Variants in MS4A18 observed in about 807,000 individuals in gnomAD.
The protein encoded by MS4A18 is membrane spanning 4-domains A18.
A neutral mutation model predicts 13.1 loss-of-function variants in MS4A18; 27 were observed. The ratio of observed to expected loss-of-function variants is 2.06; its 90% CI spans 1.52 to 2.84. The LOEUF (loss-of-function observed/expected upper bound fraction) is 2.84. MS4A18 is among the 30% of genes most tolerant of loss of function. The pLI is 0.00. For missense variants in MS4A18, 307 were observed against 196.4 expected, an observed-to-expected ratio of 1.56 and a Z score of -3.37; for synonymous variants, 126 against 76.5, an observed-to-expected ratio of 1.65 and a Z score of -3.38.
chr11:60,743,788 C>T (rs1211924269), exon 6 of MS4A18: 1 of 702,126 alleles, frequency 1.4e-6, no homozygotes, highest in African/African-American at 1.8e-5. Flanking sequence ...TACTACCATT[C>T]ACCCTGTCAA....
At chr11:60,738,549 C>T (rs913875361) in intron 3 of MS4A18, among the ~76,000 whole-genome samples, 4 of 152,048 alleles carry the variant, frequency 2.6e-5, no homozygotes, top group African/African-American at 9.7e-5. Flanking sequence ...CATTGATTAA[C>T]GAATGATTTT....
In MS4A18 at chr11:60,733,599, TC is replaced by T. The variant is rs1168024429; in HGVS notation, c.545del (p.Pro182LeufsTer3). 1 of 703,598 alleles carries T rather than the reference TC, an allele frequency of 1.4e-6. No homozygotes were observed. Among genetic ancestry groups the T allele is most frequent in the Non-Finnish European group, 2.6e-6 (1 of 385,134 alleles). The allele number at this position is 703,598 out of a possible 1,614,324, so 43.6% of individuals were successfully genotyped here. On this transcript the variant is annotated frameshift_variant, in exon 2 of 6. Coordinates refer to ENST00000529108, the Ensembl canonical transcript of MS4A18. LOFTEE classifies it high-confidence loss of function. The stretch of plus-strand genomic sequence containing the variant: ...CAATTAACCCTGTGCTGTATTACTA[TC>T]CTTTTGTGACCTGGTTGTCAGGGTA...
In MS4A18 at chr11:60,741,149, C is replaced by A. The variant is rs1295277513; in HGVS notation, c.858+6C>A. 1.4e-6 allele frequency: 1 copy of A among 703,008 alleles called. No homozygotes were observed. Among genetic ancestry groups the A allele is most frequent in the African/African-American group, 1.7e-5 (1 of 57,370 alleles). 43.5% of individuals were successfully genotyped at this position (703,008 alleles called of 1,614,324 possible). A position where few individuals can be genotyped will look rare whatever the true frequency, so the allele number is the denominator to read the frequency against. On this transcript the variant is annotated splice_donor_region_variant and intron_variant, in intron 5 of 5. Coordinates refer to ENST00000529108, the Ensembl canonical transcript of MS4A18. Reference sequence around the variant, plus strand: ...CCTGCTGCAGACAATTTGAGGTAAGCATTGGACTCTGTTCCAGGAATCAGA... The same window carrying A: ...CCTGCTGCAGACAATTTGAGGTAAGAATTGGACTCTGTTCCAGGAATCAGA...
chr11:60,742,411 G>T (rs1273792673), intron 5 of MS4A18, among the ~76,000 whole-genome samples: 1 of 152,046 alleles, frequency 6.6e-6, no homozygotes, highest in Non-Finnish European at 1.5e-5. Flanking sequence ...AAACTCCAAG[G>T]GTGTTTTATG....
chr11:60,734,907 G>A (rs188448450), intron 2 of MS4A18, among the ~76,000 whole-genome samples: 93 of 151,738 alleles, frequency 6.1e-4, no homozygotes, highest in African/African-American at 2.1e-3. Flanking sequence ...TCGGCCTCCC[G>A]AGTAGCTGGG....
chr11:60,727,361 C>T (rs58121508), upstream of MS4A18, among the ~76,000 whole-genome samples: 2,143 of 152,248 alleles, frequency 0.014, 47 homozygotes, highest in African/African-American at 0.048. Flanking sequence ...AAACTGACAG[C>T]GTATGCAACT....
rs1167113182 is a variant in MS4A18, at chr11:60,735,661, C to CTTTTTTTTTTTTTTTTTTT, written c.592-1313_592-1295dup. 5.5e-5 allele frequency among the ~76,000 whole-genome samples: 5 copies of CTTTTTTTTTTTTTTTTTTT among 90,110 alleles called. 1 individual carries two copies. The highest frequency in any genetic ancestry group is 2.5e-4 in the African/African-American group (5 of 19,840). The allele number at this position is 90,110 out of a possible 152,430, so 59.1% of individuals were successfully genotyped here. A position where few individuals can be genotyped will look rare whatever the true frequency, so the allele number is the denominator to read the frequency against. ...CGATTTAATGTTTTTCATTCCCTTG[C>CTTTTTTTTTTTTTTTTTTT]TTTTTTTTTTTTTTTTTTTTTTGAG... On this transcript the variant is annotated intron_variant, in intron 2 of 5. Transcript: ENST00000529108.
At chr11:60,738,202 G>A (rs531694396) in intron 3 of MS4A18, among the ~76,000 whole-genome samples, 1 of 152,266 alleles carries the variant, frequency 6.6e-6, no homozygotes, top group Admixed American at 6.5e-5. Context: ...CTCTTAAAGG[G>A]AAGCAGCTTG....
At chr11:60,737,930 C>T (rs1362756201) in intron 3 of MS4A18, among the ~76,000 whole-genome samples, 1 of 152,188 alleles carries the variant, frequency 6.6e-6, no homozygotes, top group African/African-American at 2.4e-5. Flanking sequence ...CCAGACACCC[C>T]AGCATCAACC....
intron 1 of MS4A18, among the ~76,000 whole-genome samples, chr11:60,732,065 A>G (rs959821214): frequency 6.6e-6 from 1 of 152,138 alleles, no homozygotes; most frequent in African/African-American, 2.4e-5. Context: ...AGGAAGACAG[A>G]AAGCAGCTGC....
chr11:60,732,730 CA>C (rs200295786), intron 1 of MS4A18, among the ~76,000 whole-genome samples: 803 of 70,996 alleles, frequency 0.011, 4 homozygotes, highest in African/African-American at 0.022. Flanking sequence ...GACTCCGTCT[CA>C]AAAAAAAAAA....
chr11:60,742,071 G>A (rs1853420667), intron 5 of MS4A18, among the ~76,000 whole-genome samples: 1 of 152,226 alleles, frequency 6.6e-6, no homozygotes, highest in Admixed American at 6.5e-5. Flanking sequence ...GGCACATATT[G>A]TCCTACCCTG....
intron 1 of MS4A18, among the ~76,000 whole-genome samples, chr11:60,732,158 G>T (rs1455232659): frequency 5.9e-5 from 9 of 152,034 alleles, no homozygotes; most frequent in Non-Finnish European, 5.9e-5. Flanking sequence ...AAATGAGAGG[G>T]GATTCATCCT....
intron 2 of MS4A18, among the ~76,000 whole-genome samples, chr11:60,734,146 C>T (rs1187327573): frequency 1.3e-5 from 2 of 152,092 alleles, no homozygotes; most frequent in Non-Finnish European, 2.9e-5. Flanking sequence ...GTCCCAGCTA[C>T]TTGGGATGCT....
At chr11:60,732,427 T>A (rs1590962360) in intron 1 of MS4A18, among the ~76,000 whole-genome samples, 1 of 151,926 alleles carries the variant, frequency 6.6e-6, no homozygotes, top group Admixed American at 6.6e-5. Context: ...GCAGAGGGCA[T>A]TGAAATACTT....
At chr11:60,729,244 A>G (rs1402110054), upstream of MS4A18, 3 of 653,048 alleles carry the variant, frequency 4.6e-6, no homozygotes, top group Non-Finnish European at 5.6e-6. Flanking sequence ...TAAGAATGAG[A>G]TAAGATGCAT....
rs1035059857 is a variant in MS4A18, at chr11:60,736,881, A to G, written c.592-97A>G. On this transcript the variant is annotated intron_variant, in intron 2 of 5. Transcript: ENST00000529108. ...CATTTTGTGAAACAAGGTGCATAGA[A>G]CATAAAGATTGAGAAATGCGTCTCT... 166 of 666,392 alleles carry G rather than the reference A, an allele frequency of 2.5e-4. 1 individual carries two copies. The highest frequency in any genetic ancestry group is 7.8e-4 in the Middle Eastern group (3 of 3,830). 41.3% of individuals were successfully genotyped at this position (666,392 alleles called of 1,614,324 possible). A position where few individuals can be genotyped will look rare whatever the true frequency, so the allele number is the denominator to read the frequency against.
At chr11:60,733,564 A>T in exon 2 of MS4A18, 1 of 703,204 alleles carries the variant, frequency 1.4e-6, no homozygotes, top group Non-Finnish European at 2.6e-6. Flanking sequence ...CCTGACGCAC[A>T]TTTTCTCTGC....
intron 3 of MS4A18, among the ~76,000 whole-genome samples, chr11:60,737,388 T>C (rs1853358000): frequency 6.6e-6 from 1 of 152,248 alleles, no homozygotes; most frequent in Non-Finnish European, 1.5e-5. Context: ...CATGAGTATT[T>C]ACACGCAGTG....
Sources: gnomAD v4.1 joint callset for allele counts (sites outside exome capture counted in the v4.1 genomes callset) on GRCh38, gnomAD v4.1.1 for gene constraint, MANE v1.5 for transcripts, NCBI Gene and HGNC (gene_info 2026-07-23, HGNC 2026-07-21) for gene names.